SGMS1: variants seen among roughly 807,000 people sequenced by gnomAD.
SGMS1 encodes the protein phosphatidylcholine:ceramide cholinephosphotransferase 1.
A neutral mutation model predicts 46.2 loss-of-function variants in SGMS1; 13 were observed. The ratio of observed to expected loss-of-function variants is 0.28; its 90% CI spans 0.18 to 0.45. The LOEUF (loss-of-function observed/expected upper bound fraction) is 0.45, where lower values mean the gene tolerates loss of function less well. Among genes scored for constraint, SGMS1 ranks in the 20% least tolerant of loss-of-function variants. The pLI is 1.00. For missense variants in SGMS1, 324 were observed against 519.9 expected, an observed-to-expected ratio of 0.62 and a Z score of 3.66; for synonymous variants, 203 against 187.8, an observed-to-expected ratio of 1.08 and a Z score of -0.66.
chr10:50,352,858 G>A (rs141598070), intron 6 of SGMS1, among the ~76,000 whole-genome samples: 2,639 of 152,172 alleles, frequency 0.017, 70 homozygotes, highest in African/African-American at 0.059. Context: ...TAAATTCCCC[G>A]ACACATACAC....
At chr10:50,349,415 G>A (rs1032181490) in intron 6 of SGMS1, among the ~76,000 whole-genome samples, 1 of 152,180 alleles carries the variant, frequency 6.6e-6, no homozygotes, top group Non-Finnish European at 1.5e-5. Context: ...TATTAGCCAA[G>A]TGAGCCAGGG....
intron 3 of SGMS1, among the ~76,000 whole-genome samples, chr10:50,493,258 A>G (rs1837582215): frequency 1.3e-5 from 2 of 152,206 alleles, no homozygotes; most frequent in Admixed American, 6.5e-5. Context: ...ATAACTGGCT[A>G]GCCATATGCA....
chr10:50,460,512 G>C (rs764658909), intron 5 of SGMS1, among the ~76,000 whole-genome samples, 161 bp downstream of exon 5: 39 of 152,198 alleles, frequency 2.6e-4, no homozygotes, highest in Non-Finnish European at 4.4e-5. Flanking sequence ...CACAGTCAAG[G>C]TTACAGAAAG....
intron 2 of SGMS1, among the ~76,000 whole-genome samples, chr10:50,521,920 C>T (rs1837860395): frequency 6.6e-6 from 1 of 152,150 alleles, no homozygotes; most frequent in African/African-American, 2.4e-5. Flanking sequence ...TCCCTTGCAG[C>T]TAACAAGTAA....
At chr10:50,464,594 G>C (rs1837307394) in intron 4 of SGMS1, among the ~76,000 whole-genome samples, 1 of 152,166 alleles carries the variant, frequency 6.6e-6, no homozygotes, top group Admixed American at 6.5e-5. Context: ...CACCACATCT[G>C]GCTAATTTTT....
chr10:50,558,456 C>T (rs1289037825), intron 2 of SGMS1, among the ~76,000 whole-genome samples: 4 of 152,094 alleles, frequency 2.6e-5, no homozygotes, highest in Admixed American at 6.6e-5. Flanking sequence ...TGAAATATCC[C>T]GGATAAGCTG....
chr10:50,368,419 C>T (rs994340223), intron 6 of SGMS1, among the ~76,000 whole-genome samples: 6 of 152,134 alleles, frequency 3.9e-5, no homozygotes, highest in African/African-American at 1.4e-4. Flanking sequence ...TGCAATGGTG[C>T]GATCTTGGCT....
At chr10:50,573,384 T>C (rs1468583577) in intron 2 of SGMS1, among the ~76,000 whole-genome samples, 1 of 152,188 alleles carries the variant, frequency 6.6e-6, no homozygotes, top group Non-Finnish European at 1.5e-5. Flanking sequence ...GAGTTGTGTT[T>C]CTGTACACCA....
At chr10:50,528,270 G>A (rs1226549563) in intron 2 of SGMS1, among the ~76,000 whole-genome samples, 1 of 152,202 alleles carries the variant, frequency 6.6e-6, no homozygotes, top group Non-Finnish European at 1.5e-5. Context: ...TTCATCTTAT[G>A]AGGTAAGAGC....
intron 2 of SGMS1, among the ~76,000 whole-genome samples, chr10:50,571,079 A>C (rs1235721533): frequency 6.6e-6 from 1 of 152,280 alleles, no homozygotes; most frequent in Non-Finnish European, 1.5e-5. Context: ...AATTTTACCA[A>C]GTCCAACTGC....
intron 3 of SGMS1, among the ~76,000 whole-genome samples, chr10:50,505,689 A>G (rs1314123182): frequency 6.6e-6 from 1 of 152,150 alleles, no homozygotes; most frequent in East Asian, 1.9e-4. Flanking sequence ...TCTGCCCTCA[A>G]GGAGTTCATA....
chr10:50,378,578 A>G (rs571757152), intron 6 of SGMS1, among the ~76,000 whole-genome samples: 16 of 152,346 alleles, frequency 1.1e-4, no homozygotes, highest in South Asian at 2.1e-4. Flanking sequence ...GGCATTATTC[A>G]TACACTAATT....
intron 3 of SGMS1, among the ~76,000 whole-genome samples, chr10:50,475,875 A>G (rs1588846016): frequency 6.6e-6 from 1 of 152,070 alleles, no homozygotes; most frequent in African/African-American, 2.4e-5. Flanking sequence ...AGCCTGCATA[A>G]CTTTGAGCCA....
intron 2 of SGMS1, among the ~76,000 whole-genome samples, chr10:50,521,042 T>C (rs960455477): frequency 6.6e-6 from 1 of 151,818 alleles, no homozygotes; most frequent in African/African-American, 2.4e-5. Flanking sequence ...CCATGCCCAG[T>C]TGATTTTTTT....
At chr10:50,519,020 TTTAAC>T (rs1459341146) in intron 3 of SGMS1, among the ~76,000 whole-genome samples, 1 of 152,154 alleles carries the variant, frequency 6.6e-6, no homozygotes, top group Admixed American at 6.5e-5. Flanking sequence ...CACCATAGAA[TTTAAC>T]TTAACCAGAA....
intron 5 of SGMS1, among the ~76,000 whole-genome samples, chr10:50,448,556 C>A (rs1031166822): frequency 2.6e-5 from 4 of 151,894 alleles, no homozygotes; most frequent in Non-Finnish European, 5.9e-5. Context: ...ACCAGCCTGA[C>A]CAACATGGAG....
chr10:50,331,008 A>G (rs941037445), intron 7 of SGMS1, among the ~76,000 whole-genome samples: 1 of 152,216 alleles, frequency 6.6e-6, no homozygotes, highest in African/African-American at 2.4e-5. Flanking sequence ...TTTCTTATGA[A>G]TCAGAGAAAT....
At chr10:50,574,963 G>GTATATATATATATATATA (rs143713324) in intron 2 of SGMS1, among the ~76,000 whole-genome samples, 1,835 of 99,578 alleles carry the variant, frequency 0.018, 63 homozygotes, top group East Asian at 0.11. Flanking sequence ...AAAATGTGGT[G>GTATATATATATATATATA]TATATATATA....
At chr10:50,540,149 G>A (rs1307921337) in intron 2 of SGMS1, among the ~76,000 whole-genome samples, 3 of 152,184 alleles carry the variant, frequency 2.0e-5, no homozygotes, top group African/African-American at 7.2e-5. Context: ...TATGCAACAT[G>A]TTTAAAGGTC....
Sources: allele counts gnomAD v4.1 joint callset (sites outside exome capture counted in the v4.1 genomes callset), GRCh38; gene constraint gnomAD v4.1.1; transcripts MANE v1.5; gene names NCBI Gene and HGNC (gene_info 2026-07-23, HGNC 2026-07-21).